The following CCDC28B variants were observed in gnomAD, a reference collection of about 807,000 sequenced individuals.
CCDC28B encodes the protein coiled-coil domain containing 28B, also known as coiled-coil domain-containing protein 28B.
CCDC28B carries 17 observed loss-of-function variants against 18.7 expected under a neutral mutation model. That is an observed-to-expected ratio of 0.91 (90% CI 0.62 to 1.36). The LOEUF (loss-of-function observed/expected upper bound fraction) is 1.36. CCDC28B is among the 40% of genes most tolerant of loss of function. The pLI is 0.00. For synonymous variants in CCDC28B, 116 were observed against 105.1 expected, an observed-to-expected ratio of 1.10 and a Z score of -0.64; for missense variants, 213 against 251.7, an observed-to-expected ratio of 0.85 and a Z score of 1.04.
At chr1:32,204,974 G>C in intron 5 of CCDC28B, 18 of 1,278,402 alleles carry the variant, frequency 1.4e-5, no homozygotes, top group East Asian at 5.1e-5. Flanking sequence ...AACAGCGCGA[G>C]TGCGCGCGCA....
intron 5 of CCDC28B, 100 bp downstream of exon 5, chr1:32,204,720 C>T: frequency 6.2e-7 from 1 of 1,614,064 alleles, no homozygotes; most frequent in Non-Finnish European, 8.5e-7. Flanking sequence ...CCAACTTCCC[C>T]ACCTCTTGCA....
chr1:32,199,151 G>C (rs1643091332), upstream of CCDC28B, among the ~76,000 whole-genome samples: 1 of 152,184 alleles, frequency 6.6e-6, no homozygotes, highest in Admixed American at 6.6e-5. Context: ...TGTTCTCTCT[G>C]GGTCCTGGGT....
chr1:32,204,246 G>A lies in CCDC28B; in HGVS notation c.392G>A (p.Arg131Gln), dbSNP rs781734634. ...CGGGAGATGCAGGAGAAGCTAGCCC[G>A]GCTGCACTTCAGCCTGGATGTGTGT... ...HVREMQEKLARLHFSLDVCGE... is the reference protein window; with the variant it reads ...HVREMQEKLAQLHFSLDVCGE... Residue 131 changes from arginine (R) to glutamine (Q), a missense_variant, in exon 4 of 6, where the codon CGG becomes CAG. Arg to Gln is a conservative substitution (Grantham distance 43). Transcript: ENST00000373602. The A allele has an allele frequency of 4.3e-5, 69 of 1,613,968 alleles. No homozygotes were observed. Among genetic ancestry groups the A allele is most frequent in the Middle Eastern group, 1.6e-4 (1 of 6,084 alleles).
intron 1 of CCDC28B, among the ~76,000 whole-genome samples, chr1:32,201,025 C>G (rs1033935083): frequency 2.0e-5 from 3 of 151,722 alleles, no homozygotes; most frequent in Non-Finnish European, 4.4e-5. Context: ...TAAGCGCCAC[C>G]CACCCCCCCA....
upstream of CCDC28B, chr1:32,197,019 A>G (rs886772372): frequency 7.9e-5 from 12 of 152,188 alleles, no homozygotes; most frequent in African/African-American, 2.9e-4. The surrounding 1 kb of genome is among the most constrained non-coding windows in gnomAD (Gnocchi z 4.6). Flanking sequence ...TCTGGCTGAG[A>G]TACTGCTGTC....
At chr1:32,199,723 G>A (rs1238266895), upstream of CCDC28B, among the ~76,000 whole-genome samples, 4 of 152,332 alleles carry the variant, frequency 2.6e-5, no homozygotes, top group East Asian at 1.9e-4. Flanking sequence ...ACTCCTGCCC[G>A]GGGATGGGGA....
At position 32,202,073 on chromosome 1, in the gene CCDC28B, C is replaced by T. The variant is rs1643159001; in HGVS notation, c.138C>T (p.Ser46=). ...CCCTAGGACTTCCTCATCTGCCATCCCCCAAGCAGCGGGCCAAGTTCAAGA... is the reference window on the plus strand; with the variant it reads ...CCCTAGGACTTCCTCATCTGCCATCTCCCAAGCAGCGGGCCAAGTTCAAGA... ...SLALGLPHLP[S]PKQRAKFKRV... is the part of the protein sequence containing the mutation. The change falls in exon 2 of 6, where the codon TCC becomes TCT. Residue 46 remains serine, a synonymous_variant. Transcript: ENST00000373602. 1 of 1,612,996 alleles carries T rather than the reference C, an allele frequency of 6.2e-7. No individual in the cohort carries two copies. The highest frequency in any genetic ancestry group is 1.3e-5 in the African/African-American group (1 of 75,004).
chr1:32,200,760 G>C (rs986650200), intron 1 of CCDC28B, 51 bp downstream of exon 1: 3 of 152,288 alleles, frequency 2.0e-5, no homozygotes, highest in Non-Finnish European at 4.4e-5. Flanking sequence ...ACGCGGGTCT[G>C]ACGCTCTGTC....
At chr1:32,203,610 TCAGA>T (rs1643209934) in intron 2 of CCDC28B, among the ~76,000 whole-genome samples, 1 of 152,134 alleles carries the variant, frequency 6.6e-6, no homozygotes, top group Non-Finnish European at 1.5e-5. Context: ...AGTGAGGCAC[TCAGA>T]CAGGAACCCA....
chr1:32,201,335 G>A (rs946448492), intron 1 of CCDC28B, among the ~76,000 whole-genome samples: 3 of 152,164 alleles, frequency 2.0e-5, no homozygotes, highest in South Asian at 4.1e-4. Context: ...GTTGGGGGTG[G>A]GTGGAAGTGG....
intron 3 of CCDC28B, 36 bp downstream of exon 3, chr1:32,204,081 A>ATAG (rs756155701): frequency 1.3e-6 from 2 of 1,577,334 alleles, no homozygotes; most frequent in Non-Finnish European, 1.7e-6. Context: ...GGGTGTGTGG[A>ATAG]TAGGGCTGTA....
chr1:32,204,021 C>T lies in CCDC28B; in HGVS notation c.307C>T (p.His103Tyr), dbSNP rs1192444481. The change falls in exon 3 of 6, where the codon CAC becomes TAC. Residue 103 changes from histidine to tyrosine, a missense_variant. By Grantham distance (83) the His-to-Tyr change is moderately conservative. Coordinates refer to ENST00000373602, the MANE Select transcript of CCDC28B (RefSeq NM_024296.5). ...GGLLNLLNDF[H>Y]SGRLQAFGKE... Reference sequence around the variant, plus strand: ...ACTCCTGAACCTGCTCAATGATTTCCACTCTGGCCGGCTGCAGGCCTTCGG... The same window carrying T: ...ACTCCTGAACCTGCTCAATGATTTCTACTCTGGCCGGCTGCAGGCCTTCGG... The T allele has an allele frequency of 3.2e-6, 5 of 1,555,606 alleles. No individual in the cohort carries two copies. The highest frequency in any genetic ancestry group is 4.3e-6 in the Non-Finnish European group (5 of 1,152,240).
At position 32,205,007 on chromosome 1, in the gene CCDC28B, G is replaced by C. The variant is rs1643275610; in HGVS notation, c.549-187G>C. Reference sequence around the variant, plus strand: ...GCACACACCCCAGTGTGTCTGACCTGCACGATCTGGATGAAGAGAGAGGGG... The same window carrying C: ...GCACACACCCCAGTGTGTCTGACCTCCACGATCTGGATGAAGAGAGAGGGG... On this transcript the variant is annotated intron_variant, in intron 5 of 5. Transcript: ENST00000373602. The surrounding 1 kb of genome is among the most constrained non-coding windows in gnomAD (Gnocchi z 5.6). 1 of 1,185,836 alleles carries C rather than the reference G, an allele frequency of 8.4e-7. No homozygotes were observed. The highest frequency in any genetic ancestry group is 1.2e-6 in the Non-Finnish European group (1 of 855,952). The allele number at this position is 1,185,836 out of a possible 1,614,324, so 73.5% of individuals were successfully genotyped here. A position where few individuals can be genotyped will look rare whatever the true frequency, so the allele number is the denominator to read the frequency against.
At chr1:32,198,827 AG>A (rs1010931633), upstream of CCDC28B, among the ~76,000 whole-genome samples, 2 of 152,092 alleles carry the variant, frequency 1.3e-5, no homozygotes, top group Non-Finnish European at 2.9e-5. Context: ...TCCAGAGGGC[AG>A]GGGGGGCAAC....
At chr1:32,204,419 AG>A in intron 4 of CCDC28B, 40 bp downstream of exon 4, 1 of 1,538,050 alleles carries the variant, frequency 6.5e-7, no homozygotes, top group Non-Finnish European at 8.7e-7. Flanking sequence ...TGGGGGCATG[AG>A]GGGTGGAGAA....
At position 32,204,588 on chromosome 1, in the gene CCDC28B, T is replaced by TAAC. The variant is rs1322560436; in HGVS notation, c.526-10_526-9insAAC. 6.4e-7 allele frequency: 1 copy of TAAC among 1,561,918 alleles called. No homozygotes were observed. On this transcript the variant is annotated splice_polypyrimidine_tract_variant and intron_variant, in intron 4 of 5. Coordinates refer to ENST00000373602, the MANE Select transcript of CCDC28B (RefSeq NM_024296.5). ...CTAACAGAAGCCTCCCTTTTTCTCT[T>TAAC]TGTTGGCAGCTGGAAGACCTCAGTA...
upstream of CCDC28B, chr1:32,200,475 A>C (rs1386596187): frequency 6.6e-6 from 1 of 152,200 alleles, no homozygotes; most frequent in African/African-American, 2.4e-5. Flanking sequence ...TCACACAACC[A>C]ACAGGGTCCC....
At position 32,202,011 on chromosome 1, in the gene CCDC28B, AG is replaced by A. The variant is rs1316561275; in HGVS notation, c.79del (p.Val27SerfsTer13). The stretch of plus-strand genomic sequence containing the variant: ...AGCCCAGGCCCCAGGCACACTACGG[AG>A]GGTCCCTGTGCCTACCAGCCACAGC... ...QPAQAPGTLR[R>X]VPVPTSHSGS... is the part of the protein sequence containing the mutation. On this transcript the variant is annotated frameshift_variant, in exon 2 of 6. Transcript: ENST00000373602. LOFTEE classifies it high-confidence loss of function. 6.2e-7 allele frequency: 1 copy of A among 1,613,650 alleles called. No individual in the cohort carries two copies. Among genetic ancestry groups the A allele is most frequent in the Middle Eastern group, 1.6e-4 (1 of 6,062 alleles).
chr1:32,201,881 T>C lies in CCDC28B; in HGVS notation c.-23-32T>C, dbSNP rs181133472. Reference sequence around the variant, plus strand: ...CTGGGTGAAGGGCTAACTTTGCCCCTGGCTATCTTTGTGGGGTTGCTTCCC... The same window carrying C: ...CTGGGTGAAGGGCTAACTTTGCCCCCGGCTATCTTTGTGGGGTTGCTTCCC... On this transcript the variant is annotated intron_variant, in intron 1 of 5. Coordinates refer to ENST00000373602, the MANE Select transcript of CCDC28B (RefSeq NM_024296.5). 104 of 1,525,044 alleles carry C rather than the reference T, an allele frequency of 6.8e-5. No homozygotes were observed. The East Asian group carries it at 1.5e-3, about 23-fold the overall frequency. The allele number at this position is 1,525,044 out of a possible 1,614,324, so 94.5% of individuals were successfully genotyped here.
Sources: gnomAD v4.1 joint callset for allele counts (sites outside exome capture counted in the v4.1 genomes callset) on GRCh38, gnomAD v4.1.1 for gene constraint, Gnocchi (gnomAD v3.1) non-coding constraint, MANE v1.5 for transcripts, NCBI Gene and HGNC (gene_info 2026-07-23, HGNC 2026-07-21) for gene names.